The following POGLUT1 variants were observed in gnomAD, a reference collection of about 807,000 sequenced individuals.
POGLUT1 encodes protein O-glucosyltransferase 1.
In POGLUT1, 32 loss-of-function variants were observed where a neutral mutation model predicts 61.3. The observed-to-expected ratio is 0.52, with a 90% CI of 0.39 to 0.70. POGLUT1 has a LOEUF of 0.70. Ranked by LOEUF, POGLUT1 falls within the 30% of genes least tolerant of loss-of-function variation. The pLI is 0.00. For synonymous variants in POGLUT1, 158 were observed against 158.2 expected (o/e 1.00, Z 0.01); for missense variants, 411 against 469.8 (o/e 0.87, Z 1.16).
chr3:119,486,914 G>A lies in POGLUT1; in HGVS notation c.720G>A (p.Gln240=). The A allele has an allele frequency of 1.2e-6, 2 of 1,611,162 alleles. No individual in the cohort carries two copies. The highest frequency in any genetic ancestry group is 1.7e-6 in the Non-Finnish European group (2 of 1,177,392). ...TTGATGCAGAATACACCAAAAACCA[G>A]GCCTGGAAATCTATGAAAGTAATCA... The part of the protein sequence containing the change: ...KLVDAEYTKN[Q]AWKSMKDTLG... The change falls in exon 7 of 11, where the codon CAG becomes CAA. Residue 240 remains glutamine (Q), a synonymous_variant. Transcript: ENST00000295588.
chr3:119,478,113 C>T (rs2081561263), intron 4 of POGLUT1: 2 of 337,708 alleles, frequency 5.9e-6, no homozygotes, highest in South Asian at 2.4e-5. Flanking sequence ...AATGTTGTAT[C>T]GGCAGGGATG....
At chr3:119,487,034 G>A (rs1252819588) in intron 7 of POGLUT1, 102 bp downstream of exon 7, 1 of 786,454 alleles carries the variant, frequency 1.3e-6, no homozygotes, top group Non-Finnish European at 2.3e-6. Context: ...TGTCAGTGGT[G>A]AGGTGAATGT....
At position 119,486,212 on chromosome 3, in the gene POGLUT1, C is replaced by T. The variant is rs374444179; in HGVS notation, c.639-621C>T. Reference sequence around the variant, plus strand: ...CTGGACTTCAAGAGTTTTAGGACTCCCTTGAAATTATGTGAGGATATGTGC... The same window carrying T: ...CTGGACTTCAAGAGTTTTAGGACTCTCTTGAAATTATGTGAGGATATGTGC... On this transcript the variant is annotated intron_variant, in intron 6 of 10. Transcript: ENST00000295588. 3.9e-5 allele frequency among the ~76,000 whole-genome samples: 6 copies of T among 152,204 alleles called. No individual in the cohort carries two copies. The East Asian group carries it at 1.2e-3, about 29-fold the overall frequency.
intron 9 of POGLUT1, 143 bp downstream of exon 9, chr3:119,490,861 G>T: frequency 1.4e-6 from 1 of 694,642 alleles, no homozygotes. Flanking sequence ...CTCTTGGTTT[G>T]CATATATAGT....
intron 6 of POGLUT1, 136 bp from the exon 7 acceptor site, chr3:119,486,697 C>T (rs1464517756): frequency 4.3e-5 from 31 of 715,220 alleles, no homozygotes; most frequent in East Asian, 3.7e-4. Flanking sequence ...ACCCCTCCTC[C>T]GCTGTCACGT....
Position 119,469,002 on chromosome 3 carries a change from C to T in POGLUT1, c.-20C>T. ...TTCCGCCAGCGCCGCAGCGGGGAATCTGCAGTAGGTCTGCCGGCGATGGAG... is the reference window on the plus strand; with the variant it reads ...TTCCGCCAGCGCCGCAGCGGGGAATTTGCAGTAGGTCTGCCGGCGATGGAG... On this transcript the variant is annotated 5_prime_UTR_variant, in exon 1 of 11. Coordinates refer to ENST00000295588, the MANE Select transcript of POGLUT1 (RefSeq NM_152305.3). 6.3e-7 allele frequency: 1 copy of T among 1,599,278 alleles called. No individual in the cohort carries two copies. Among genetic ancestry groups the T allele is most frequent in the African/African-American group, 1.3e-5 (1 of 74,666 alleles).
At chr3:119,487,429 A>T (rs1030217504) in intron 7 of POGLUT1, among the ~76,000 whole-genome samples, 2 of 152,084 alleles carry the variant, frequency 1.3e-5, no homozygotes, top group South Asian at 4.1e-4. Context: ...TCTACTAAAA[A>T]CACAAAAATT....
chr3:119,485,827 C>T (rs1006590110), intron 6 of POGLUT1, among the ~76,000 whole-genome samples: 5 of 152,236 alleles, frequency 3.3e-5, no homozygotes, highest in Non-Finnish European at 7.4e-5. Flanking sequence ...AGAGCACAGA[C>T]TGAGACTGCT....
chr3:119,479,084 C>G (rs113971440), intron 4 of POGLUT1, among the ~76,000 whole-genome samples: 1 of 151,908 alleles, frequency 6.6e-6, no homozygotes, highest in African/African-American at 2.4e-5. Context: ...CCACCATGCC[C>G]GGCTATTATT....
At chr3:119,476,948 A>C (rs2081544312) in intron 3 of POGLUT1, among the ~76,000 whole-genome samples, 2 of 152,368 alleles carry the variant, frequency 1.3e-5, no homozygotes, top group Middle Eastern at 6.8e-3. Context: ...TATTTCAGCT[A>C]TTACGAGAGT....
chr3:119,487,630 T>C (rs1425146227), intron 7 of POGLUT1, among the ~76,000 whole-genome samples: 1 of 152,058 alleles, frequency 6.6e-6, no homozygotes, highest in African/African-American at 2.4e-5. Flanking sequence ...ATAAAAACTT[T>C]ATGGGCACTG....
At chr3:119,491,668 A>T in intron 10 of POGLUT1, 94 bp downstream of exon 10, 1 of 624,800 alleles carries the variant, frequency 1.6e-6, no homozygotes, top group Non-Finnish European at 2.9e-6. Flanking sequence ...TCATGGTGAC[A>T]TCTGTATTTT....
chr3:119,493,465 C>T lies in POGLUT1; in HGVS notation c.*1027C>T, dbSNP rs1039374120. 1 of 152,082 alleles carries T rather than the reference C, an allele frequency of 6.6e-6. No individual in the cohort carries two copies. Among genetic ancestry groups the T allele is most frequent in the Non-Finnish European group, 1.5e-5 (1 of 68,000 alleles). The allele number at this position is 152,082 out of a possible 1,614,324, so 9.4% of individuals were successfully genotyped here. A position where few individuals can be genotyped will look rare whatever the true frequency, so the allele number is the denominator to read the frequency against. Reference sequence around the variant, plus strand: ...TGTTTTGGGTAGTAGTTTAATATCTCAGGGTGCTCTTTCTAACATAGTAAA... The same window carrying T: ...TGTTTTGGGTAGTAGTTTAATATCTTAGGGTGCTCTTTCTAACATAGTAAA... On this transcript the variant is annotated 3_prime_UTR_variant, in exon 11 of 11. Transcript: ENST00000295588.
intron 7 of POGLUT1, among the ~76,000 whole-genome samples, chr3:119,487,627 CTT>C (rs1367473532): frequency 6.6e-6 from 1 of 152,000 alleles, no homozygotes; most frequent in Non-Finnish European, 1.5e-5. Flanking sequence ...AAAATAAAAA[CTT>C]TATGGGCACT....
At chr3:119,484,507 C>G (rs971346824) in intron 5 of POGLUT1, among the ~76,000 whole-genome samples, 2 of 152,188 alleles carry the variant, frequency 1.3e-5, no homozygotes, top group Non-Finnish European at 2.9e-5. Flanking sequence ...TCAAGGACTT[C>G]ATCTTTATAG....
At chr3:119,486,435 A>G (rs2081664499) in intron 6 of POGLUT1, among the ~76,000 whole-genome samples, 1 of 152,162 alleles carries the variant, frequency 6.6e-6, no homozygotes, top group Admixed American at 6.5e-5. Context: ...TGTACAGAGC[A>G]TACATAACAA....
In POGLUT1 at chr3:119,486,867, T is replaced by G; in HGVS notation, c.673T>G (p.Ser225Ala). 1 of 1,613,774 alleles carries G rather than the reference T, an allele frequency of 6.2e-7. No individual in the cohort carries two copies. Among genetic ancestry groups the G allele is most frequent in the Non-Finnish European group, 8.5e-7 (1 of 1,179,690 alleles). Residue 225 changes from serine to alanine, a missense_variant, in exon 7 of 11, where the codon TCT (serine) becomes GCT (alanine). By Grantham distance (99) the Ser-to-Ala change is moderately conservative. Transcript: ENST00000295588. The part of the protein sequence containing the change: ...SPERDPLILL[S>A]RKNPKLVDAE... The stretch of plus-strand genomic sequence containing the variant: ...AGAACGAGATCCTCTCATTCTTCTG[T>G]CTCGGAAAAACCCAAAACTTGTTGA...
chr3:119,472,515 G>A (rs566795891), intron 3 of POGLUT1, among the ~76,000 whole-genome samples: 114 of 152,130 alleles, frequency 7.5e-4, no homozygotes, highest in African/African-American at 2.6e-3. Context: ...TCGGGAGTTT[G>A]AGACCAAACT....
chr3:119,487,235 G>A (rs1290408376), intron 7 of POGLUT1, among the ~76,000 whole-genome samples: 6 of 152,152 alleles, frequency 3.9e-5, no homozygotes, highest in Non-Finnish European at 8.8e-5. Flanking sequence ...GGTCTCTATT[G>A]CAGTTGCCAA....
Sources: gnomAD v4.1 joint callset for allele counts (sites outside exome capture counted in the v4.1 genomes callset) on GRCh38, gnomAD v4.1.1 for gene constraint, MANE v1.5 for transcripts, NCBI Gene and HGNC (gene_info 2026-07-23, HGNC 2026-07-21) for gene names.